NOC3L: variants seen among roughly 807,000 people sequenced by gnomAD.
NOC3L encodes nucleolar complex protein 3 homolog.
Under a neutral mutation model 102.5 loss-of-function variants are expected in NOC3L, and 85 were observed. The ratio of observed to expected loss-of-function variants is 0.83; its 90% CI spans 0.70 to 0.99. The LOEUF (loss-of-function observed/expected upper bound fraction) is 0.99, where lower values mean the gene tolerates loss of function less well. NOC3L is among the 50% of genes least tolerant of loss of function. NOC3L has a pLI of 0.00. For synonymous variants in NOC3L, 303 were observed against 309.4 expected (o/e 0.98, Z 0.22); for missense variants, 878 against 914.9 (o/e 0.96, Z 0.52).
In NOC3L at chr10:94,358,028, C is replaced by G. The variant is rs189598538; in HGVS notation, c.350+55G>C. 2.2e-4 allele frequency: 258 copies of G among 1,191,314 alleles called. 1 individual carries two copies. The highest frequency in any genetic ancestry group is 7.9e-4 in the Admixed American group (43 of 54,700). The allele number at this position is 1,191,314 out of a possible 1,614,324, so 73.8% of individuals were successfully genotyped here. On this transcript the variant is annotated intron_variant, in intron 3 of 20. Transcript: ENST00000371361. ...TGAACCACCTAAGTGAAATTCAGAA[C>G]CAAGTTTTTAACACTAAATGGATAT...
At chr10:94,343,997 G>C (rs2054314790) in intron 13 of NOC3L, among the ~76,000 whole-genome samples, 1 of 152,166 alleles carries the variant, frequency 6.6e-6, no homozygotes, top group Non-Finnish European at 1.5e-5. Flanking sequence ...TTAGTGTTGA[G>C]TGAATACACC....
chr10:94,343,073 GAC>G (rs2054304271), intron 13 of NOC3L, among the ~76,000 whole-genome samples: 1 of 145,556 alleles, frequency 6.9e-6, no homozygotes, highest in Admixed American at 7.0e-5. Flanking sequence ...AACAGAGCAA[GAC>G]AGTGTCTCCA....
At chr10:94,316,678 G>A in the NOC3L span, 3 of 1,613,966 alleles carry the variant, frequency 1.9e-6, no homozygotes, top group Non-Finnish European at 1.7e-6. Flanking sequence ...GTCCAGAAGA[G>A]GAGATCATGC....
chr10:94,337,286 G>A (rs2054230907), intron 19 of NOC3L, among the ~76,000 whole-genome samples: 1 of 149,956 alleles, frequency 6.7e-6, no homozygotes, highest in African/African-American at 2.5e-5. Context: ...GGATGGCAGT[G>A]TTCCAAAGCA....
intron 2 of NOC3L, chr10:94,361,462 G>C (rs2054550135): frequency 1.8e-6 from 1 of 544,610 alleles, no homozygotes; most frequent in African/African-American, 1.9e-5. Context: ...AAGCTTGAAT[G>C]AATACTGTAT....
intron 19 of NOC3L, among the ~76,000 whole-genome samples, chr10:94,337,325 T>C (rs2054231448): frequency 6.6e-6 from 1 of 151,140 alleles, no homozygotes; most frequent in Non-Finnish European, 1.5e-5. Flanking sequence ...CTCATTTTTT[T>C]TTTCTCCTCA....
chr10:94,317,574 T>C, the NOC3L span, among the ~76,000 whole-genome samples: 1 of 152,172 alleles, frequency 6.6e-6, no homozygotes, highest in African/African-American at 2.4e-5. Context: ...CAGAACTTCA[T>C]ACAAAGTAAG....
rs768228028 is a variant in NOC3L, at chr10:94,362,844, G to A, written c.-6C>T. ...AGGACACTTACCGCCTTCATCCTTA[G>A]GCCTTAAATGAATGCCGGCCAGACA... On this transcript the variant is annotated 5_prime_UTR_variant, in exon 1 of 21. Transcript: ENST00000371361. The A allele has an allele frequency of 1.9e-6, 3 of 1,614,046 alleles. No homozygotes were observed. The Admixed American group carries it at 5.0e-5, about 27-fold the overall frequency.
chr10:94,315,147 C>A, the NOC3L span: 1 of 300,094 alleles, frequency 3.3e-6, no homozygotes, highest in Non-Finnish European at 6.6e-6. Context: ...ATAGTATTTG[C>A]CTTGGCCCCC....
rs1020899228 is a variant in NOC3L at position 94,337,856 on chromosome 10, C to T, written c.2110G>A (p.Val704Met). The T allele has an allele frequency of 2.5e-6, 4 of 1,613,526 alleles. No homozygotes were observed. The highest frequency in any genetic ancestry group is 2.7e-5 in the African/African-American group (2 of 74,912). Residue 704 changes from valine to methionine, a missense_variant, in exon 19 of 21, where the codon GTG (valine) becomes ATG (methionine). Val to Met is a conservative substitution (Grantham distance 21). Coordinates refer to ENST00000371361, the MANE Select transcript of NOC3L (RefSeq NM_022451.11). ...HALRRHYHPI[V>M]QRFAAHLIAG... The stretch of plus-strand genomic sequence containing the variant: ...ATCAGGTGGGCTGCAAATCTCTGCA[C>T]TATGGGATGATAATGCCTCTGAAGG...
rs77955652 is a variant in NOC3L, at chr10:94,347,157, G to A, written c.1258-601C>T. Among the ~76,000 whole-genome samples, 1,512 of 152,214 alleles carry A rather than the reference G, an allele frequency of 9.9e-3. 9 individuals are homozygous for A. The highest frequency in any genetic ancestry group is 0.016 in the Non-Finnish European group (1,067 of 68,000). On this transcript the variant is annotated intron_variant, in intron 10 of 20. Transcript: ENST00000371361. ...TTTCTCTGGATGAAATCACCCTACC[G>A]ACCTCCCGCAGGCACAGCAGCATTC...
In NOC3L at chr10:94,356,548, CCTCT is replaced by C. The variant is rs771088450; in HGVS notation, c.548_551del (p.Glu183GlyfsTer15). 6.3e-7 allele frequency: 1 copy of C among 1,581,408 alleles called. No individual in the cohort carries two copies. Among genetic ancestry groups the C allele is most frequent in the Non-Finnish European group, 8.7e-7 (1 of 1,151,786 alleles). ...AAGACATATTACCTTCCTCAAGTTC[CCTCT>C]CTTCTTCTTGATCCTCTTCATCTTT... On this transcript the variant is annotated frameshift_variant, in exon 5 of 21. Coordinates refer to ENST00000371361, the MANE Select transcript of NOC3L (RefSeq NM_022451.11). LOFTEE classifies it high-confidence loss of function.
chr10:94,323,636 C>A, the NOC3L span, among the ~76,000 whole-genome samples: 1 of 152,118 alleles, frequency 6.6e-6, no homozygotes, highest in Non-Finnish European at 1.5e-5. Flanking sequence ...TAATACAATG[C>A]CTAGCAAATG....
chr10:94,323,512 C>G, the NOC3L span, among the ~76,000 whole-genome samples: 2 of 152,286 alleles, frequency 1.3e-5, no homozygotes, highest in Middle Eastern at 3.4e-3. Flanking sequence ...CCAGACTATT[C>G]CCGTTGGCTC....
chr10:94,334,417 G>A, intron 20 of NOC3L, 112 bp from the exon 21 acceptor site: 1 of 699,942 alleles, frequency 1.4e-6, no homozygotes, highest in South Asian at 1.8e-5. Context: ...GCAACACAAT[G>A]ACAGATGCTT....
At chr10:94,340,882 G>A (rs980592936) in intron 14 of NOC3L, among the ~76,000 whole-genome samples, 18 of 151,592 alleles carry the variant, frequency 1.2e-4, no homozygotes, top group African/African-American at 4.4e-4. Flanking sequence ...TCGGGAGGCT[G>A]AGGCAGGAGA....
chr10:94,343,014 G>A (rs913062975), intron 13 of NOC3L, among the ~76,000 whole-genome samples: 4 of 151,656 alleles, frequency 2.6e-5, no homozygotes, highest in Admixed American at 1.3e-4. Flanking sequence ...AACCTGGGAT[G>A]TGGAGGTTGT....
chr10:94,342,729 C>CAAA (rs748792344), intron 13 of NOC3L, among the ~76,000 whole-genome samples: 7 of 81,124 alleles, frequency 8.6e-5, no homozygotes, highest in African/African-American at 2.8e-4. Flanking sequence ...TTTACAAAAC[C>CAAA]AAAAAAAAAA....
chr10:94,337,085 A>G (rs994630903), intron 19 of NOC3L, among the ~76,000 whole-genome samples: 5 of 151,702 alleles, frequency 3.3e-5, no homozygotes, highest in Non-Finnish European at 7.4e-5. Flanking sequence ...AAAAAAAAAA[A>G]GTAATTACTA....
Sources: gnomAD v4.1 joint callset for allele counts (sites outside exome capture counted in the v4.1 genomes callset) on GRCh38, gnomAD v4.1.1 for gene constraint, MANE v1.5 for transcripts, NCBI Gene and HGNC (gene_info 2026-07-23, HGNC 2026-07-21) for gene names.